Variants in IL9R observed in about 807,000 individuals in gnomAD.
The protein encoded by IL9R is interleukin 9 receptor.
IL9R carries 54 observed loss-of-function variants against 56.3 expected under a neutral mutation model. That is an observed-to-expected ratio of 0.96 (90% confidence interval 0.77 to 1.20). The LOEUF (loss-of-function observed/expected upper bound fraction) is 1.20, where lower values mean the gene tolerates loss of function less well. Ranked by LOEUF, IL9R falls within the 50% of genes most tolerant of loss-of-function variation. The pLI, the probability that IL9R is intolerant of heterozygous loss-of-function variation, is 0.00. For synonymous variants in IL9R, 212 were observed against 250.2 expected (o/e 0.85, Z 1.44); for missense variants, 545 against 629.8 (o/e 0.87, Z 1.44).
chrX:155,999,538 C>A (rs1167748653), intron 1 of IL9R, among the ~76,000 whole-genome samples: 5 of 152,154 alleles, frequency 3.3e-5, no homozygotes, highest in Non-Finnish European at 7.4e-5. Context: ...CCTGTCAGCA[C>A]CTTACATACT....
chrX:156,004,324 C>A, intron 4 of IL9R, 96 bp from the exon 5 acceptor site: 1 of 1,316,756 alleles, frequency 7.6e-7, no homozygotes, highest in Non-Finnish European at 1.1e-6. Context: ...CTTGACCATT[C>A]CCCTTGGGAG....
intron 1 of IL9R, among the ~76,000 whole-genome samples, chrX:156,000,500 C>A (rs187488200): frequency 6.6e-6 from 1 of 152,126 alleles, no homozygotes; most frequent in South Asian, 2.1e-4. Context: ...AGATCCAAGG[C>A]GGGATAGGCT....
intron 2 of IL9R, 59 bp downstream of exon 2, chrX:156,003,078 G>A: frequency 1.2e-6 from 2 of 1,604,314 alleles, no homozygotes; most frequent in Admixed American, 1.7e-5. Flanking sequence ...CATGTTTGGG[G>A]GACTGGGTTG....
rs779747693 is a variant in IL9R, at chrX:156,003,431, G to A, written c.143-18G>A. ...CCTGAAGTACTTACCGTGGGCTCCT[G>A]ATGGTCACTGTCTCCAGGGCCAAGG... is the stretch of plus-strand genomic sequence containing the variant. On this transcript the variant is annotated intron_variant, in intron 2 of 8. Transcript: ENST00000244174. The A allele has an allele frequency of 1.3e-6, 2 of 1,579,476 alleles. No homozygotes were observed. The highest frequency in any genetic ancestry group is 8.7e-7 in the Non-Finnish European group (1 of 1,150,460).
intron 6 of IL9R, among the ~76,000 whole-genome samples, chrX:156,005,723 T>C (rs3093506): frequency 0.025 from 3,794 of 152,146 alleles, 154 homozygotes; most frequent in African/African-American, 0.086. Flanking sequence ...GTGGCAGGGC[T>C]GCACACCAGG....
At chrX:156,003,939 C>A (rs1204300009) in intron 4 of IL9R, 84 bp downstream of exon 4, 1 of 1,383,140 alleles carries the variant, frequency 7.2e-7, no homozygotes, top group Non-Finnish European at 1.0e-6. Flanking sequence ...GGCCTTGCAG[C>A]CTGTGAGTGG....
At chrX:156,004,864 TTGTG>T (rs1192870047) in intron 5 of IL9R, among the ~76,000 whole-genome samples, 1 of 151,954 alleles carries the variant, frequency 6.6e-6, no homozygotes, top group African/African-American at 2.4e-5. Context: ...GTGCCCATGT[TTGTG>T]TGTTTATATG....
intron 1 of IL9R, among the ~76,000 whole-genome samples, chrX:155,999,119 G>A (rs1344691701): frequency 6.6e-6 from 1 of 152,054 alleles, no homozygotes; most frequent in Non-Finnish European, 1.5e-5. Flanking sequence ...CTGGGGAAAG[G>A]CCTCATGAAG....
At position 156,009,280 on chromosome X, in the gene IL9R, CTGTGTG is replaced by C. The variant is rs1439386990; in HGVS notation, c.973-526_973-521del. 1.4e-4 allele frequency among the ~76,000 whole-genome samples: 16 copies of C among 117,000 alleles called. No homozygotes were observed. The East Asian group carries it at 2.7e-3, about 20-fold the overall frequency. The allele number at this position is 117,000 out of a possible 152,430, so 76.8% of individuals were successfully genotyped here. A position where few individuals can be genotyped will look rare whatever the true frequency, so the allele number is the denominator to read the frequency against. On this transcript the variant is annotated intron_variant, in intron 8 of 8. Transcript: ENST00000244174. Reference sequence around the variant, plus strand: ...TGTGTGTGTGTTTGTGTGTGTATGTCTGTGTGTGTGTGTGTTTATGTGTGTGTGTCT... The same window carrying C: ...TGTGTGTGTGTTTGTGTGTGTATGTCTGTGTGTGTTTATGTGTGTGTGTCT...
In IL9R at chrX:156,010,380, C is replaced by T. The variant is rs2068417339; in HGVS notation, c.1537C>T (p.Leu513Phe). The stretch of plus-strand genomic sequence containing the variant: ...CCAGGGCATGTTGCTCCCTTCTGTC[C>T]TCAGCAAGGCTCGGTCCTGGACATT... ...DLQGMLLPSV[L>F]SKARSWTF The change falls in exon 9 of 9, where the codon CTC (leucine) becomes TTC (phenylalanine). Residue 513 changes from leucine to phenylalanine, a missense_variant. Leu to Phe is a conservative substitution (Grantham distance 22). This residue lies in a region of IL9R where 114 missense variants were observed against 269.8 expected (regional missense o/e 0.42). Transcript: ENST00000244174. 6 of 523,990 alleles carry T rather than the reference C, an allele frequency of 1.1e-5. No homozygotes were observed. Among genetic ancestry groups the T allele is most frequent in the Non-Finnish European group, 1.8e-5 (6 of 326,594 alleles). 32.5% of individuals were successfully genotyped at this position (523,990 alleles called of 1,614,324 possible).
rs1327827014 is a variant in IL9R, at chrX:156,009,853, G to T, written c.1010G>T (p.Ser337Ile). ...MGAHGAGVLL[S>I]QDCAGTPQGA... is the part of the protein sequence containing the mutation. ...GCCCACGGGGCCGGTGTGCTGTTGAGCCAGGACTGTGCTGGCACCCCACAG... is the reference window on the plus strand; with the variant it reads ...GCCCACGGGGCCGGTGTGCTGTTGATCCAGGACTGTGCTGGCACCCCACAG... The change falls in exon 9 of 9, where the codon AGC (serine) becomes ATC (isoleucine). Residue 337 changes from serine to isoleucine, a missense_variant. Ser to Ile is a moderately radical substitution (Grantham distance 142, BLOSUM62 -2). Around this residue, in one of 2 missense-constraint regions of IL9R, gnomAD observed 114 missense variants for 269.8 expected, o/e 0.42. Transcript: ENST00000244174. 2.0e-6 allele frequency: 3 copies of T among 1,512,762 alleles called. No homozygotes were observed. The highest frequency in any genetic ancestry group is 2.6e-6 in the Non-Finnish European group (3 of 1,132,706). 93.7% of individuals were successfully genotyped at this position (1,512,762 alleles called of 1,614,324 possible). A position where few individuals can be genotyped will look rare whatever the true frequency, so the allele number is the denominator to read the frequency against.
At chrX:156,001,613 A>C (rs2067530003) in intron 1 of IL9R, 1 of 468,674 alleles carries the variant, frequency 2.1e-6, no homozygotes, top group Non-Finnish European at 3.6e-6. Context: ...CCTGCTGCCC[A>C]TTGGTTTGTG....
chrX:156,003,976 G>A (rs1168859948), intron 4 of IL9R, 121 bp downstream of exon 4: 8 of 1,056,076 alleles, frequency 7.6e-6, no homozygotes, highest in South Asian at 3.0e-5. Flanking sequence ...AGTCCCAGCC[G>A]AGTGAGATCC....
intron 5 of IL9R, 56 bp downstream of exon 5, chrX:156,004,621 G>A: frequency 6.4e-7 from 1 of 1,558,756 alleles, no homozygotes; most frequent in Non-Finnish European, 8.8e-7. Context: ...AGCAGTCCAG[G>A]GTAGACTCCC....
intron 8 of IL9R, among the ~76,000 whole-genome samples, chrX:156,008,396 T>C (rs2068135363): frequency 6.6e-6 from 1 of 150,978 alleles, no homozygotes; most frequent in South Asian, 2.1e-4. Context: ...AAAATCCTTT[T>C]CTCTCTCAAT....
intron 7 of IL9R, among the ~76,000 whole-genome samples, chrX:156,007,058 A>C (rs3093526): frequency 6.6e-6 from 1 of 151,624 alleles, no homozygotes; most frequent in African/African-American, 2.4e-5. Context: ...ACAGCCTTGC[A>C]GGGAGGTTGG....
intron 7 of IL9R, among the ~76,000 whole-genome samples, chrX:156,006,823 T>C (rs2067999168): frequency 6.6e-6 from 1 of 150,556 alleles, no homozygotes; most frequent in African/African-American, 2.5e-5. Context: ...ACAACCTAGT[T>C]TATGTTTTGA....
chrX:156,003,216 C>A (rs2067662891), intron 2 of IL9R, among the ~76,000 whole-genome samples, 197 bp downstream of exon 2: 1 of 152,092 alleles, frequency 6.6e-6, no homozygotes, highest in African/African-American at 2.4e-5. Context: ...CCTGGACCGA[C>A]TGTAGTCTCC....
rs773986856 is a variant in IL9R at position 156,003,009 on chromosome X, G to A, written c.132G>A (p.Gly44=). Residue 44 remains glycine, a synonymous_variant, in exon 2 of 9, where the codon GGG becomes GGA. Coordinates refer to ENST00000244174, the MANE Select transcript of IL9R (RefSeq NM_002186.3). ...TCVCLGVSVT[G]EGQGPRSRTF... ...TCTGCTTGGGAGTCTCTGTCACAGG[G>A]GAAGGACAAGGTGAGGGCTGGGCAC... The A allele has an allele frequency of 1.1e-4, 180 of 1,613,898 alleles. 1 individual carries two copies. In the East Asian group the frequency reaches 3.8e-3, roughly 34 times the overall value.
Sources: gnomAD v4.1 joint callset for allele counts (sites outside exome capture counted in the v4.1 genomes callset) on GRCh38, gnomAD v4.1.1 for gene constraint, gnomAD v4.1.1 regional missense constraint, MANE v1.5 for transcripts, NCBI Gene and HGNC (gene_info 2026-07-23, HGNC 2026-07-21) for gene names.